RBM17: variants seen among roughly 807,000 people sequenced by gnomAD.
RBM17 encodes the protein splicing factor 45.
Under a neutral mutation model 53.2 loss-of-function variants are expected in RBM17, and 7 were observed. That is an observed-to-expected ratio of 0.13 (90% confidence interval 0.07 to 0.25). The LOEUF (loss-of-function observed/expected upper bound fraction) is 0.25. Ranked by LOEUF, RBM17 falls within the 10% of genes least tolerant of loss-of-function variation. RBM17 has a pLI of 1.00. For missense variants in RBM17, 257 were observed against 496.7 expected (o/e 0.52, Z 4.59); for synonymous variants, 167 against 178.1 (o/e 0.94, Z 0.50).
In RBM17 at chr10:6,115,812, ATTT is replaced by A; in HGVS notation, c.*260_*262del. 3.5e-6 allele frequency: 1 copy of A among 285,328 alleles called. No homozygotes were observed. Among genetic ancestry groups the A allele is most frequent in the Non-Finnish European group, 6.3e-6 (1 of 158,034 alleles). The allele number at this position is 285,328 out of a possible 1,614,324, so 17.7% of individuals were successfully genotyped here. ...TTATTATTACTCCTGAGTTGATGAC[ATTT>A]TTTGTTAGATTTCATGGTAATTCTC... is the stretch of plus-strand genomic sequence containing the variant. On this transcript the variant is annotated 3_prime_UTR_variant, in exon 12 of 12. Coordinates refer to ENST00000379888, the MANE Select transcript of RBM17 (RefSeq NM_032905.5).
Position 6,111,292 on chromosome 10 carries a change from T to G in RBM17, c.705-918T>G, listed in dbSNP as rs1007240001. Among the ~76,000 whole-genome samples, 6 of 152,212 alleles carry G rather than the reference T, an allele frequency of 3.9e-5. No individual in the cohort carries two copies. In the South Asian group the frequency reaches 1.2e-3, roughly 31 times the overall value. On this transcript the variant is annotated intron_variant, in intron 7 of 11. Coordinates refer to ENST00000379888, the MANE Select transcript of RBM17 (RefSeq NM_032905.5). Reference sequence around the variant, plus strand: ...TTTGGTTGTTACAGAAAGCAGTGACTGAGAGTTGTGGGGTCCAGTTTCAGC... The same window carrying G: ...TTTGGTTGTTACAGAAAGCAGTGACGGAGAGTTGTGGGGTCCAGTTTCAGC...
intron 3 of RBM17, among the ~76,000 whole-genome samples, chr10:6,104,463 C>T (rs1840717173): frequency 6.6e-6 from 1 of 152,202 alleles, no homozygotes; most frequent in Non-Finnish European, 1.5e-5. Context: ...TTTCTAAGAT[C>T]TCCATATATT....
At position 6,090,806 on chromosome 10, in the gene RBM17, G is replaced by GC. The variant is rs1477870877; in HGVS notation, c.-19+1613_-19+1614insC. On this transcript the variant is annotated intron_variant, in intron 1 of 11. Coordinates refer to ENST00000379888, the MANE Select transcript of RBM17 (RefSeq NM_032905.5). ...GCATTTTGGTAACAGCCAGAGGGTG[G>GC]GATTGAATGGAAAGATTAAACTGAC... Among the ~76,000 whole-genome samples the GC allele has an allele frequency of 7.9e-5, 12 of 151,918 alleles. 1 individual carries two copies. In the East Asian group the frequency reaches 2.1e-3, roughly 27 times the overall value.
chr10:6,115,294 T>C lies in RBM17; in HGVS notation c.1085T>C (p.Val362Ala). 6.2e-7 allele frequency: 1 copy of C among 1,613,246 alleles called. No individual in the cohort carries two copies. Among genetic ancestry groups the C allele is most frequent in the Non-Finnish European group, 8.5e-7 (1 of 1,179,320 alleles). ...CGGATATTTTTAGAATTTGAGAGAGTTGAATCAGCAATTAAAGGTTAGTGG... is the reference window on the plus strand; with the variant it reads ...CGGATATTTTTAGAATTTGAGAGAGCTGAATCAGCAATTAAAGGTTAGTGG... ...AVRIFLEFERVESAIKAVVDL... is the reference protein window; with the variant it reads ...AVRIFLEFERAESAIKAVVDL... Residue 362 changes from valine to alanine, a missense_variant, in exon 11 of 12, where the codon GTT becomes GCT. Val to Ala is a moderately conservative substitution (Grantham distance 64, BLOSUM62 0). Around this residue, in one of 6 missense-constraint regions of RBM17, gnomAD observed 49 missense variants for 114.8 expected, o/e 0.43. Transcript: ENST00000379888.
At chr10:6,114,312 CATAAA>C in intron 10 of RBM17, 165 bp downstream of exon 10, 1 of 496,728 alleles carries the variant, frequency 2.0e-6, no homozygotes. Flanking sequence ...CAGTTTTAAA[CATAAA>C]GACAATGATT....
intron 1 of RBM17, among the ~76,000 whole-genome samples, chr10:6,094,980 G>C (rs1840550649): frequency 6.6e-6 from 1 of 152,194 alleles, no homozygotes; most frequent in Admixed American, 6.5e-5. Context: ...GGAGTTCAGA[G>C]TTATTAAACT....
intron 3 of RBM17, among the ~76,000 whole-genome samples, chr10:6,103,515 CTAAA>C (rs1207047235): frequency 2.0e-5 from 3 of 152,124 alleles, no homozygotes; most frequent in Admixed American, 6.5e-5. Flanking sequence ...CATTTTCTCT[CTAAA>C]TAATAACTGA....
At position 6,098,556 on chromosome 10, in the gene RBM17, G is replaced by GGTTTTTGTTT. The variant is rs1840613398; in HGVS notation, c.123+1368_123+1369insGTTTTTGTTT. Among the ~76,000 whole-genome samples the GGTTTTTGTTT allele has an allele frequency of 1.2e-3, 109 of 87,942 alleles. 2 individuals are homozygous for GGTTTTTGTTT. The highest frequency in any genetic ancestry group is 1.7e-3 in the South Asian group (4 of 2,304). The allele number at this position is 87,942 out of a possible 152,430, so 57.7% of individuals were successfully genotyped here. On this transcript the variant is annotated intron_variant, in intron 2 of 11. Transcript: ENST00000379888. Reference sequence around the variant, plus strand: ...GTTTGAAAATTTCCGTAATACACAGGTTTTTTGTTTTTTTTTTTTTTTTTT... The same window carrying GGTTTTTGTTT: ...GTTTGAAAATTTCCGTAATACACAGGGTTTTTGTTTTTTTTTGTTTTTTTTTTTTTTTTTT...
chr10:6,097,714 A>G (rs1373945316), intron 2 of RBM17, among the ~76,000 whole-genome samples: 1 of 152,240 alleles, frequency 6.6e-6, no homozygotes, highest in Non-Finnish European at 1.5e-5. Flanking sequence ...ACTCTGAACC[A>G]GCAGTGACAC....
In RBM17 at chr10:6,109,232, C is replaced by G. The variant is rs1264369321; in HGVS notation, c.562+490C>G. ...CTGTTCCTTCTCGCAGTGATCTGCT[C>G]TAGAATTTGGGGGTTGGGACTGGAC... On this transcript the variant is annotated intron_variant, in intron 6 of 11. Transcript: ENST00000379888. Among the ~76,000 whole-genome samples the G allele has an allele frequency of 3.9e-5, 6 of 152,280 alleles. No individual in the cohort carries two copies. In the Middle Eastern group the frequency reaches 0.014, roughly 345 times the overall value.
chr10:6,102,322 G>A (rs989025701), intron 3 of RBM17, among the ~76,000 whole-genome samples: 12 of 152,178 alleles, frequency 7.9e-5, no homozygotes, highest in Admixed American at 4.6e-4. Flanking sequence ...CTGCCCATCT[G>A]TTTCACGTCA....
chr10:6,097,898 G>A (rs1480093753), intron 2 of RBM17, among the ~76,000 whole-genome samples: 1 of 152,210 alleles, frequency 6.6e-6, no homozygotes, highest in African/African-American at 2.4e-5. Flanking sequence ...TTTGGAAGCA[G>A]CACTTTGGGA....
At chr10:6,098,713 C>A (rs1840622156) in intron 2 of RBM17, among the ~76,000 whole-genome samples, 1 of 151,904 alleles carries the variant, frequency 6.6e-6, no homozygotes, top group Non-Finnish European at 1.5e-5. Flanking sequence ...GTAACTGGGA[C>A]TACAGGCGCC....
intron 1 of RBM17, among the ~76,000 whole-genome samples, chr10:6,096,380 G>A (rs963240607): frequency 6.6e-6 from 1 of 152,090 alleles, no homozygotes; most frequent in African/African-American, 2.4e-5. Flanking sequence ...CTGCTGACTC[G>A]GTTTTTGTTT....
At chr10:6,097,408 C>T (rs1434479978) in intron 2 of RBM17, among the ~76,000 whole-genome samples, 2 of 152,210 alleles carry the variant, frequency 1.3e-5, no homozygotes, top group African/African-American at 2.4e-5. Flanking sequence ...AAAAACAGTA[C>T]TCTGCGGGGG....
At position 6,113,594 on chromosome 10, in the gene RBM17, G is replaced by C; in HGVS notation, c.930+13G>C. ...GGTCTTACTAAGGGTAAGAAGCTGA[G>C]GAAAGCAAGCTCTCTGCCTGCCTAG... On this transcript the variant is annotated intron_variant, in intron 9 of 11. Transcript: ENST00000379888. 6.3e-7 allele frequency: 1 copy of C among 1,578,000 alleles called. No homozygotes were observed.
intron 5 of RBM17, among the ~76,000 whole-genome samples, chr10:6,106,564 G>T (rs566357302): frequency 9.9e-5 from 15 of 152,152 alleles, no homozygotes; most frequent in African/African-American, 3.6e-4. Flanking sequence ...TTTCTCTTAG[G>T]GGGGAAGCAT....
At chr10:6,095,103 G>A (rs575586428) in intron 1 of RBM17, among the ~76,000 whole-genome samples, 2 of 152,302 alleles carry the variant, frequency 1.3e-5, no homozygotes, top group South Asian at 4.1e-4. Flanking sequence ...TTTGGCCTCA[G>A]TGCTTCAGGC....
At chr10:6,090,497 C>T (rs1324767759) in intron 1 of RBM17, among the ~76,000 whole-genome samples, 4 of 152,292 alleles carry the variant, frequency 2.6e-5, no homozygotes, top group African/African-American at 9.6e-5. Flanking sequence ...TTGTGGAGCT[C>T]TGCGGAACCA....
Sources: allele counts gnomAD v4.1 joint callset (sites outside exome capture counted in the v4.1 genomes callset), GRCh38; gene constraint gnomAD v4.1.1; regional missense constraint gnomAD v4.1.1; transcripts MANE v1.5; gene names NCBI Gene and HGNC (gene_info 2026-07-23, HGNC 2026-07-21).